Variants in BOLL observed in about 807,000 individuals in gnomAD.
BOLL encodes boule RNA binding protein.
Under a neutral mutation model 44.4 loss-of-function variants are expected in BOLL, and 23 were observed. The observed-to-expected ratio is 0.52, with a 90% CI of 0.37 to 0.73. BOLL has a LOEUF of 0.73. BOLL is among the 30% of genes least tolerant of loss of function. The probability of loss-of-function intolerance (pLI) is 0.00; values close to 1 mark genes in which losing one functional copy is unlikely to be tolerated. For missense variants in BOLL, 287 were observed against 338.3 expected, an observed-to-expected ratio of 0.85 and a Z score of 1.19; for synonymous variants, 97 against 110.8, an observed-to-expected ratio of 0.88 and a Z score of 0.78.
At chr2:197,768,587 T>C (rs1410933548) in intron 6 of BOLL, among the ~76,000 whole-genome samples, 1 of 151,578 alleles carries the variant, frequency 6.6e-6, no homozygotes, top group Non-Finnish European at 1.5e-5. Context: ...AATTTCAAAA[T>C]AGCAGGAAAT....
At chr2:197,735,622 A>G (rs558635087) in intron 10 of BOLL, among the ~76,000 whole-genome samples, 24 of 152,294 alleles carry the variant, frequency 1.6e-4, no homozygotes, top group Admixed American at 1.4e-3. Context: ...AGGATGAAGT[A>G]GGTGAAGGAT....
chr2:197,742,837 T>C (rs1368399511), intron 10 of BOLL, among the ~76,000 whole-genome samples: 1 of 151,846 alleles, frequency 6.6e-6, no homozygotes, highest in Non-Finnish European at 1.5e-5. Flanking sequence ...AATAAAAATT[T>C]TTTAAAAAAG....
intron 7 of BOLL, among the ~76,000 whole-genome samples, chr2:197,764,699 T>C (rs964818909): frequency 1.3e-5 from 2 of 152,174 alleles, no homozygotes; most frequent in Non-Finnish European, 2.9e-5. Context: ...TAGACTTACA[T>C]ATGGCAAGAA....
intron 10 of BOLL, among the ~76,000 whole-genome samples, chr2:197,741,016 A>G (rs1687705560): frequency 6.6e-6 from 1 of 152,152 alleles, no homozygotes; most frequent in South Asian, 2.1e-4. Flanking sequence ...AATTCTGTGA[A>G]GAAAGCCATT....
chr2:197,782,379 C>T (rs932186609), intron 1 of BOLL, among the ~76,000 whole-genome samples: 6 of 152,192 alleles, frequency 3.9e-5, no homozygotes, highest in African/African-American at 1.4e-4. Flanking sequence ...AAAACAAAGG[C>T]ATTGCCCAAA....
intron 10 of BOLL, among the ~76,000 whole-genome samples, chr2:197,729,132 C>T (rs1374354646): frequency 1.3e-5 from 2 of 152,202 alleles, no homozygotes; most frequent in African/African-American, 4.8e-5. Context: ...CGTGCGCAAG[C>T]TGAAGCAGGG....
chr2:197,746,303 C>T (rs1274757386), intron 9 of BOLL, among the ~76,000 whole-genome samples: 1 of 152,048 alleles, frequency 6.6e-6, no homozygotes, highest in East Asian at 1.9e-4. Flanking sequence ...GTATACATAT[C>T]CAAAGGAAAT....
chr2:197,728,560 A>G lies in BOLL; in HGVS notation c.847T>C (p.Tyr283His). 6.2e-7 allele frequency: 1 copy of G among 1,612,456 alleles called. No individual in the cohort carries two copies. Among genetic ancestry groups the G allele is most frequent in the Non-Finnish European group, 8.5e-7 (1 of 1,178,478 alleles). The change falls in exon 11 of 11, where the codon TAT becomes CAT. Residue 283 changes from tyrosine (Y) to histidine (H), a missense_variant. Tyr to His is a moderately conservative substitution (Grantham distance 83). Coordinates refer to ENST00000392296, the MANE Select transcript of BOLL (RefSeq NM_033030.6). Reference protein sequence around the residue: ...EPIKTVWSIHY With the variant: ...EPIKTVWSIHH The stretch of plus-strand genomic sequence containing the variant: ...AATAGAGCTGCCCAATTGTCTTAAT[A>G]ATGAATGCTCCACACTGTCTGTTAA...
In BOLL at chr2:197,775,724, T is replaced by C. The variant is rs1251303226; in HGVS notation, c.293A>G (p.Tyr98Cys). 1 of 1,543,594 alleles carries C rather than the reference T, an allele frequency of 6.5e-7. No individual in the cohort carries two copies. Among genetic ancestry groups the C allele is most frequent in the Non-Finnish European group, 8.7e-7 (1 of 1,143,714 alleles). ...KILQEAEKLN[Y>C]KDKKLNIGPA... ...ACCAATGTTCAGCTTCTTATCCTTA[T>C]AATTAAGTTTTTCAGCCTAAAATAA... Residue 98 changes from tyrosine to cysteine, a missense_variant, in exon 5 of 11, where the codon TAT becomes TGT. Physicochemically the swap from Tyr to Cys is radical, Grantham distance 194 (BLOSUM62 -2). Coordinates refer to ENST00000392296, the MANE Select transcript of BOLL (RefSeq NM_033030.6).
intron 9 of BOLL, among the ~76,000 whole-genome samples, chr2:197,748,040 GA>G (rs1469250168): frequency 3.3e-5 from 5 of 152,286 alleles, no homozygotes; most frequent in African/African-American, 1.2e-4. Context: ...ATTTCCAACT[GA>G]GGTACCCAGC....
chr2:197,782,729 T>C (rs1238282240), intron 1 of BOLL, among the ~76,000 whole-genome samples: 2 of 152,220 alleles, frequency 1.3e-5, no homozygotes, highest in Non-Finnish European at 2.9e-5. Context: ...CTTTAACTAA[T>C]GGTCATCGAC....
chr2:197,746,654 C>T (rs1376702276), intron 9 of BOLL, among the ~76,000 whole-genome samples: 1 of 152,122 alleles, frequency 6.6e-6, no homozygotes, highest in African/African-American at 2.4e-5. Context: ...GTAATCCCAG[C>T]ACTTTTGGAG....
At chr2:197,785,954 C>G, upstream of BOLL, 2 of 1,563,072 alleles carry the variant, frequency 1.3e-6, no homozygotes, top group East Asian at 2.2e-5. The surrounding 1 kb of genome is among the most constrained non-coding windows in gnomAD (Gnocchi z 6.7). Context: ...CGCTATCCCG[C>G]GCCCTGGGGC....
At position 197,729,094 on chromosome 2, in the gene BOLL, G is replaced by GTT. The variant is rs750654460; in HGVS notation, c.829-517_829-516insAA. On this transcript the variant is annotated intron_variant, in intron 10 of 10. Transcript: ENST00000392296. ...TCATCTCACTAGGGAGTGCCAGACA[G>GTT]TGGGCGCAGGTCAGTGGGTGCGTGC... Among the ~76,000 whole-genome samples the GTT allele has an allele frequency of 3.9e-5, 6 of 152,204 alleles. No individual in the cohort carries two copies. The East Asian group carries it at 1.2e-3, about 29-fold the overall frequency.
Position 197,785,077 on chromosome 2 carries a change from G to A in BOLL, c.-37C>T. On this transcript the variant is annotated 5_prime_UTR_variant, in exon 1 of 11. Coordinates refer to ENST00000392296, the MANE Select transcript of BOLL (RefSeq NM_033030.6). This position sits in a 1 kb window ranked among gnomAD's most constrained non-coding sequence, Gnocchi z 6.7. ...TAACCGTCGCAGTCACTGCCTCGGC[G>A]CTCCTCCCCCTCCAAGGCCAGCAAG... is the stretch of plus-strand genomic sequence containing the variant. 1.0e-6 allele frequency: 1 copy of A among 985,968 alleles called. No individual in the cohort carries two copies. The highest frequency in any genetic ancestry group is 1.2e-6 in the Non-Finnish European group (1 of 829,928). The allele number at this position is 985,968 out of a possible 1,614,324, so 61.1% of individuals were successfully genotyped here. A position where few individuals can be genotyped will look rare whatever the true frequency, so the allele number is the denominator to read the frequency against.
upstream of BOLL, chr2:197,785,394 C>A (rs866686900): frequency 5.1e-6 from 5 of 985,766 alleles, no homozygotes; most frequent in Admixed American, 6.1e-5. The surrounding 1 kb of genome is among the most constrained non-coding windows in gnomAD (Gnocchi z 6.7). Flanking sequence ...GGCACGTTGC[C>A]GCTGCGCCTC....
At chr2:197,745,709 T>G (rs1031192221) in intron 9 of BOLL, among the ~76,000 whole-genome samples, 1 of 152,172 alleles carries the variant, frequency 6.6e-6, no homozygotes, top group African/African-American at 2.4e-5. Context: ...TCCCAAACCA[T>G]ACACAATGTA....
intron 1 of BOLL, among the ~76,000 whole-genome samples, chr2:197,782,802 C>T (rs1689849364): frequency 6.6e-6 from 1 of 152,130 alleles, no homozygotes; most frequent in African/African-American, 2.4e-5. Context: ...ATTTTAAATG[C>T]ACTTGTCAAT....
chr2:197,745,760 G>T (rs1324897577), intron 9 of BOLL, among the ~76,000 whole-genome samples: 5 of 152,128 alleles, frequency 3.3e-5, no homozygotes, highest in African/African-American at 4.8e-5. Context: ...CGAACATAAG[G>T]GAGGATTCTG....
Sources: gnomAD v4.1 joint callset for allele counts (sites outside exome capture counted in the v4.1 genomes callset) on GRCh38, gnomAD v4.1.1 for gene constraint, Gnocchi (gnomAD v3.1) non-coding constraint, MANE v1.5 for transcripts, NCBI Gene and HGNC (gene_info 2026-07-23, HGNC 2026-07-21) for gene names.